Variants in EYS observed in about 807,000 individuals in gnomAD.
EYS encodes EGF-like photoreceptor maintenance factor.
In EYS, 250 loss-of-function variants were observed where a neutral mutation model predicts 282.1. That is an observed-to-expected ratio of 0.89 (90% CI 0.80 to 0.98). The LOEUF (loss-of-function observed/expected upper bound fraction) is 0.98, where lower values mean the gene tolerates loss of function less well. Ranked by LOEUF, EYS falls within the 50% of genes least tolerant of loss-of-function variation. EYS has a pLI of 0.00. For missense variants in EYS, 4,016 were observed against 3,709.0 expected (o/e 1.08, Z -2.15); for synonymous variants, 1,355 against 1,282.9 (o/e 1.06, Z -1.20).
chr6:65,050,377 ATTAACT>A (rs1196832808), intron 13 of EYS, among the ~76,000 whole-genome samples: 4 of 151,708 alleles, frequency 2.6e-5, no homozygotes, highest in Non-Finnish European at 5.9e-5. Context: ...GAAAGACAAA[ATTAACT>A]TCAACTATTT....
Position 64,639,481 on chromosome 6 carries a change from G to T in EYS, c.3444-13236C>A, listed in dbSNP as rs1021663636. Among the ~76,000 whole-genome samples the T allele has an allele frequency of 4.6e-4, 42 of 90,724 alleles. 16 individuals are homozygous for T. Among genetic ancestry groups the T allele is most frequent in the African/African-American group, 1.8e-3 (42 of 23,862 alleles). The allele number at this position is 90,724 out of a possible 152,430, so 59.5% of individuals were successfully genotyped here. On this transcript the variant is annotated intron_variant, in intron 22 of 42. Coordinates refer to ENST00000503581, the MANE Select transcript of EYS (RefSeq NM_001142800.2). ...TGAAACATTCTATAAATTAAAAAGC[G>T]TTTTGCAGCTTTTAGTGAAAAGGCA...
chr6:65,083,812 T>C (rs1273905718), intron 12 of EYS, among the ~76,000 whole-genome samples: 1 of 151,678 alleles, frequency 6.6e-6, no homozygotes, highest in Non-Finnish European at 1.5e-5. Flanking sequence ...CTTTTTTATA[T>C]TTGTATAATA....
chr6:63,944,447 A>G (rs1298708099), intron 35 of EYS, among the ~76,000 whole-genome samples: 1 of 152,220 alleles, frequency 6.6e-6, no homozygotes, highest in Non-Finnish European at 1.5e-5. Context: ...TCTAAATTAA[A>G]AACATTATTT....
At chr6:64,556,886 C>A (rs1235102436) in intron 26 of EYS, among the ~76,000 whole-genome samples, 12 of 151,460 alleles carry the variant, frequency 7.9e-5, no homozygotes, top group Non-Finnish European at 1.6e-4. Flanking sequence ...AATAGCAGAA[C>A]CTGAAGAATA....
At chr6:63,948,863 T>C (rs1246957978) in intron 35 of EYS, among the ~76,000 whole-genome samples, 1 of 152,138 alleles carries the variant, frequency 6.6e-6, no homozygotes, top group African/African-American at 2.4e-5. Context: ...TAATATGTAA[T>C]ACATATAATA....
At chr6:64,506,389 C>T (rs1777206001) in intron 26 of EYS, among the ~76,000 whole-genome samples, 1 of 152,166 alleles carries the variant, frequency 6.6e-6, no homozygotes, top group Non-Finnish European at 1.5e-5. Flanking sequence ...AATGTGATAG[C>T]TTAATGATAA....
At chr6:64,195,647 A>G (rs1582411076) in intron 31 of EYS, among the ~76,000 whole-genome samples, 1 of 152,140 alleles carries the variant, frequency 6.6e-6, no homozygotes, top group East Asian at 1.9e-4. Flanking sequence ...TTTTCATTCT[A>G]TAATATTACT....
chr6:63,956,513 G>A (rs192360438), intron 35 of EYS, among the ~76,000 whole-genome samples: 34 of 152,262 alleles, frequency 2.2e-4, no homozygotes, highest in Admixed American at 1.4e-3. Flanking sequence ...TCACATGGAC[G>A]TGCATGACAC....
intron 2 of EYS, among the ~76,000 whole-genome samples, chr6:65,603,642 T>G (rs937344727): frequency 1.3e-5 from 2 of 151,988 alleles, no homozygotes; most frequent in African/African-American, 4.8e-5. Flanking sequence ...TACTCTTCTG[T>G]TCATTTTAAA....
At chr6:63,992,345 AG>A (rs1443675699) in intron 34 of EYS, among the ~76,000 whole-genome samples, 6 of 151,762 alleles carry the variant, frequency 4.0e-5, no homozygotes, top group Admixed American at 2.0e-4. Flanking sequence ...TTTAGATACA[AG>A]GGGTACATGT....
At chr6:64,301,201 A>G (rs1269241934) in intron 30 of EYS, among the ~76,000 whole-genome samples, 1 of 152,214 alleles carries the variant, frequency 6.6e-6, no homozygotes, top group Non-Finnish European at 1.5e-5. Context: ...ACGTACCTTA[A>G]ATGATTATCA....
intron 12 of EYS, among the ~76,000 whole-genome samples, chr6:65,076,383 A>G (rs533816041): frequency 2.6e-5 from 4 of 152,140 alleles, no homozygotes; most frequent in Non-Finnish European, 4.4e-5. Context: ...ACAAAATTAC[A>G]TATGTCCATT....
chr6:65,206,103 T>C (rs528795001), intron 12 of EYS, among the ~76,000 whole-genome samples: 1 of 151,834 alleles, frequency 6.6e-6, no homozygotes, highest in African/African-American at 2.4e-5. Context: ...AAAAGTTGTT[T>C]ATTGGAAAGG....
intron 22 of EYS, among the ~76,000 whole-genome samples, chr6:64,750,815 C>G (rs1772721740): frequency 6.6e-6 from 1 of 152,074 alleles, no homozygotes; most frequent in Admixed American, 6.5e-5. Context: ...AGATTTTAGA[C>G]AAGAGAAGGT....
intron 5 of EYS, 52 bp from the exon 6 acceptor site, chr6:65,405,419 G>A: frequency 8.0e-6 from 10 of 1,244,632 alleles, no homozygotes; most frequent in East Asian, 2.3e-5. Flanking sequence ...AAGGAAAGAA[G>A]AAATGAGCAT....
rs561166344 is a variant in EYS, at chr6:65,311,079, G to T, written c.1767-14960C>A. On this transcript the variant is annotated intron_variant, in intron 11 of 42. Coordinates refer to ENST00000503581, the MANE Select transcript of EYS (RefSeq NM_001142800.2). The stretch of plus-strand genomic sequence containing the variant: ...AATAAAATATTATTTTTTGAGGAGG[G>T]AATAAAAGAAAATAAGTATATCTAT... 2.6e-5 allele frequency among the ~76,000 whole-genome samples: 4 copies of T among 151,742 alleles called. No individual in the cohort carries two copies. In the East Asian group the frequency reaches 7.8e-4, roughly 29 times the overall value.
intron 13 of EYS, among the ~76,000 whole-genome samples, chr6:65,036,973 G>T (rs1374821150): frequency 6.6e-6 from 1 of 151,872 alleles, no homozygotes; most frequent in Non-Finnish European, 1.5e-5. Flanking sequence ...ATACCCAAAG[G>T]AATATAAATT....
chr6:64,137,031 AC>A (rs1179424919), intron 31 of EYS, among the ~76,000 whole-genome samples: 1 of 152,172 alleles, frequency 6.6e-6, no homozygotes, highest in Non-Finnish European at 1.5e-5. Flanking sequence ...TAGTGTAACG[AC>A]CTTCATCAAT....
chr6:63,912,374 T>TA (rs1764278086), intron 35 of EYS, among the ~76,000 whole-genome samples: 1 of 152,068 alleles, frequency 6.6e-6, no homozygotes, highest in African/African-American at 2.4e-5. Flanking sequence ...TTATAAAAAA[T>TA]AAAAAACAGG....
Sources: gnomAD v4.1 joint callset for allele counts (sites outside exome capture counted in the v4.1 genomes callset) on GRCh38, gnomAD v4.1.1 for gene constraint, MANE v1.5 for transcripts, NCBI Gene and HGNC (gene_info 2026-07-23, HGNC 2026-07-21) for gene names.